SECISBP2: variants seen among roughly 807,000 people sequenced by gnomAD.
The protein encoded by SECISBP2 is selenocysteine insertion sequence-binding protein 2.
In SECISBP2, 96 loss-of-function variants were observed where a neutral mutation model predicts 98.2. The ratio of observed to expected loss-of-function variants is 0.98; its 90% CI spans 0.83 to 1.16. SECISBP2 has a LOEUF of 1.16. Among genes scored for constraint, SECISBP2 ranks in the 50% most tolerant of loss-of-function variants. The pLI, the probability that SECISBP2 is intolerant of heterozygous loss-of-function variation, is 0.00. For synonymous variants in SECISBP2, 407 were observed against 370.2 expected (o/e 1.10, Z -1.14); for missense variants, 1,046 against 1,022.9 (o/e 1.02, Z -0.31).
At chr9:89,341,080 T>C (rs1337662114) in intron 9 of SECISBP2, among the ~76,000 whole-genome samples, 1 of 152,196 alleles carries the variant, frequency 6.6e-6, no homozygotes, top group Non-Finnish European at 1.5e-5. Flanking sequence ...AGATGTGTAT[T>C]GTTGACTACT....
chr9:89,361,520 C>G (rs1234349275), downstream of SECISBP2: 1 of 152,214 alleles, frequency 6.6e-6, no homozygotes, highest in South Asian at 2.1e-4. Context: ...TTCACACACA[C>G]AGTGACACAG....
downstream of SECISBP2, chr9:89,363,322 A>C: frequency 6.7e-7 from 1 of 1,486,876 alleles, no homozygotes. Context: ...CTAAGAGGGA[A>C]CAAGTGGGGT....
chr9:89,361,342 T>C (rs1190953735), downstream of SECISBP2: 1 of 152,180 alleles, frequency 6.6e-6, no homozygotes, highest in Non-Finnish European at 1.5e-5. Context: ...GCAAAACAGG[T>C]CATTGTCACA....
the SECISBP2 span, chr9:89,365,217 CAGGCCAGGCCCTGG>C: frequency 6.6e-6 from 1 of 152,472 alleles, no homozygotes; most frequent in Non-Finnish European, 1.5e-5. Context: ...CTGGGAGGGC[CAGGCCAGGCCCTGG>C]AGGGCAGGTG....
At chr9:89,354,232 C>T (rs1045623321) in intron 14 of SECISBP2, among the ~76,000 whole-genome samples, 14 of 152,148 alleles carry the variant, frequency 9.2e-5, no homozygotes, top group African/African-American at 3.4e-4. Context: ...ATTGGGTGTT[C>T]CCAAGGCCAC....
At chr9:89,324,950 C>CTG in intron 2 of SECISBP2, 1 of 202,918 alleles carries the variant, frequency 4.9e-6, no homozygotes, top group Admixed American at 5.3e-5. Context: ...CGTGCGGTGT[C>CTG]TGCTTTGCGC....
rs747961362 is a variant in SECISBP2, at chr9:89,350,859, G to A, written c.2113+7G>A. 5.6e-6 allele frequency: 9 copies of A among 1,611,702 alleles called. No homozygotes were observed. The highest frequency in any genetic ancestry group is 5.1e-6 in the Non-Finnish European group (6 of 1,178,126). Reference sequence around the variant, plus strand: ...GAGAAGATACAGTCAAAAGGTAAAGGCACAGTGTGGTCCTGTGATATGTGG... The same window carrying A: ...GAGAAGATACAGTCAAAAGGTAAAGACACAGTGTGGTCCTGTGATATGTGG... On this transcript the variant is annotated splice_region_variant and intron_variant, in intron 14 of 16. Coordinates refer to ENST00000375807, the MANE Select transcript of SECISBP2 (RefSeq NM_024077.5).
At position 89,349,825 on chromosome 9, in the gene SECISBP2, G is replaced by A. The variant is rs776829505; in HGVS notation, c.1788G>A (p.Lys596=). The A allele has an allele frequency of 2.5e-6, 4 of 1,614,106 alleles. No homozygotes were observed. The highest frequency in any genetic ancestry group is 2.7e-5 in the African/African-American group (2 of 74,944). ...ELISTPSVED[K]SEEPPGTELQ... ...TCTCCACTCCTTCGGTTGAGGACAA[G>A]TCTGAAGAGCCACCAGGCACAGAGC... Residue 596 remains lysine (K), a synonymous_variant, in exon 13 of 17, where the codon AAG becomes AAA. Coordinates refer to ENST00000375807, the MANE Select transcript of SECISBP2 (RefSeq NM_024077.5).
At chr9:89,352,473 C>T (rs1016234305) in intron 14 of SECISBP2, among the ~76,000 whole-genome samples, 1 of 152,206 alleles carries the variant, frequency 6.6e-6, no homozygotes, top group Non-Finnish European at 1.5e-5. Flanking sequence ...AATCCAGAGA[C>T]TCTGATTCTT....
rs965987197 is a variant in SECISBP2, at chr9:89,341,980, G to A, written c.1435+501G>A. 4.6e-5 allele frequency among the ~76,000 whole-genome samples: 7 copies of A among 152,130 alleles called. No homozygotes were observed. The East Asian group carries it at 5.8e-4, about 13-fold the overall frequency. On this transcript the variant is annotated intron_variant, in intron 10 of 16. Coordinates refer to ENST00000375807, the MANE Select transcript of SECISBP2 (RefSeq NM_024077.5). ...TTAAAATTAAAAATTTTTGCATACCGAAGGACATTATCAAGAAAGCGGAAA... is the reference window on the plus strand; with the variant it reads ...TTAAAATTAAAAATTTTTGCATACCAAAGGACATTATCAAGAAAGCGGAAA...
chr9:89,364,212 C>A, downstream of SECISBP2: 1 of 614,134 alleles, frequency 1.6e-6, no homozygotes, highest in Non-Finnish European at 2.7e-6. Context: ...GCCTGTGTCC[C>A]CTAGGACCCC....
At chr9:89,362,447 C>A (rs374909695), downstream of SECISBP2, 2 of 1,613,856 alleles carry the variant, frequency 1.2e-6, no homozygotes, top group Middle Eastern at 1.6e-4. Context: ...ACAATGTGGT[C>A]TTTGAATCCT....
the SECISBP2 span, chr9:89,365,248 T>C: frequency 2.0e-5 from 3 of 152,254 alleles, no homozygotes; most frequent in East Asian, 5.8e-4. Context: ...GGTGAGGGGG[T>C]GCAGGTGCTC....
intron 8 of SECISBP2, among the ~76,000 whole-genome samples, chr9:89,339,331 G>C (rs1285931940): frequency 3.9e-5 from 6 of 152,244 alleles, no homozygotes; most frequent in Non-Finnish European, 8.8e-5. Context: ...TACCGTGGCA[G>C]AGCATTATGG....
intron 14 of SECISBP2, chr9:89,357,071 G>C (rs1026163182): frequency 1.1e-5 from 4 of 369,794 alleles, no homozygotes; most frequent in African/African-American, 6.3e-5. Context: ...TAACCTTTCT[G>C]TGCCTCTGGT....
chr9:89,358,621 C>T, intron 16 of SECISBP2, 100 bp from the exon 17 acceptor site: 1 of 791,484 alleles, frequency 1.3e-6, no homozygotes, highest in Non-Finnish European at 2.2e-6. Flanking sequence ...AGCTGCTGGG[C>T]AGTGGCCACA....
rs749223498 is a variant in SECISBP2 at position 89,319,700 on chromosome 9, G to A, written c.85G>A (p.Gly29Arg). The change falls in exon 2 of 17, where the codon GGG (glycine) becomes AGG (arginine). Residue 29 changes from glycine to arginine, a missense_variant. Coordinates refer to ENST00000375807, the MANE Select transcript of SECISBP2 (RefSeq NM_024077.5). ...CAAACCATTTGTCCCCAGATTTGCC[G>A]GGCTCAATGTGGCATGGTTAGAGTC... ...DVKPFVPRFA[G>R]LNVAWLESSE... 11 of 1,613,998 alleles carry A rather than the reference G, an allele frequency of 6.8e-6. No individual in the cohort carries two copies. The highest frequency in any genetic ancestry group is 9.3e-6 in the Non-Finnish European group (11 of 1,180,016).
chr9:89,319,925 G>A, intron 2 of SECISBP2, 128 bp downstream of exon 2: 1 of 1,003,554 alleles, frequency 1.0e-6, no homozygotes, highest in South Asian at 1.3e-5. Flanking sequence ...CTTCAACCAA[G>A]AAGAGTCTGA....
At chr9:89,322,554 C>T (rs1324433265) in intron 2 of SECISBP2, 2 of 152,222 alleles carry the variant, frequency 1.3e-5, no homozygotes, top group South Asian at 2.1e-4. Flanking sequence ...CCAGAATTAA[C>T]GTGCTATTCT....
Sources: gnomAD v4.1 joint callset for allele counts (sites outside exome capture counted in the v4.1 genomes callset) on GRCh38, gnomAD v4.1.1 for gene constraint, MANE v1.5 for transcripts, NCBI Gene and HGNC (gene_info 2026-07-23, HGNC 2026-07-21) for gene names.